Variants in MAP3K13 observed in about 807,000 individuals in gnomAD.
The protein encoded by MAP3K13 is leucine zipper-bearing kinase.
In MAP3K13, 52 loss-of-function variants were observed where a neutral mutation model predicts 104.0. The ratio of observed to expected loss-of-function variants is 0.50; its 90% CI spans 0.40 to 0.63. MAP3K13 has a LOEUF of 0.63. MAP3K13 is among the 20% of genes least tolerant of loss of function. The pLI, the probability that MAP3K13 is intolerant of heterozygous loss-of-function variation, is 0.00. For missense variants in MAP3K13, 914 were observed against 1,218.5 expected, an observed-to-expected ratio of 0.75 and a Z score of 3.72; for synonymous variants, 394 against 442.2, an observed-to-expected ratio of 0.89 and a Z score of 1.37.
At chr3:185,298,762 C>T (rs1721001043) in intron 2 of MAP3K13, among the ~76,000 whole-genome samples, 2 of 152,086 alleles carry the variant, frequency 1.3e-5, no homozygotes, top group Admixed American at 1.3e-4. Context: ...AAATATCCCC[C>T]AACTGGTTTG....
At chr3:185,328,075 G>A (rs914648594) in intron 2 of MAP3K13, among the ~76,000 whole-genome samples, 1 of 152,160 alleles carries the variant, frequency 6.6e-6, no homozygotes, top group Non-Finnish European at 1.5e-5. Flanking sequence ...AATGTGGCAA[G>A]AGATGAAGCA....
intron 2 of MAP3K13, among the ~76,000 whole-genome samples, chr3:185,349,335 T>C (rs551434787): frequency 1.3e-5 from 2 of 152,280 alleles, no homozygotes; most frequent in South Asian, 4.1e-4. Flanking sequence ...TCCCCATTGT[T>C]TAGCTCTCAC....
Position 185,418,273 on chromosome 3 carries a change from A to G in MAP3K13, c.-85-10224A>G, listed in dbSNP as rs1577533373. 3 of 1,589,570 alleles carry G rather than the reference A, an allele frequency of 1.9e-6. No individual in the cohort carries two copies. The highest frequency in any genetic ancestry group is 2.6e-6 in the Non-Finnish European group (3 of 1,159,350). ...CCAGGCTTTAAGTTTCTTAAGGAGC[A>G]AAACAGCTTCCTTGGTCTTCTTGTA... On this transcript the variant is annotated intron_variant, in intron 1 of 13. Coordinates refer to ENST00000265026, the MANE Select transcript of MAP3K13 (RefSeq NM_004721.5). This position sits in a 1 kb window ranked among gnomAD's most constrained non-coding sequence, Gnocchi z 4.5.
intron 1 of MAP3K13, among the ~76,000 whole-genome samples, chr3:185,381,961 T>C (rs917104705): frequency 2.6e-5 from 4 of 152,204 alleles, no homozygotes; most frequent in African/African-American, 9.6e-5. Flanking sequence ...ATGTAGCTAT[T>C]ATGAATAACA....
intron 10 of MAP3K13, among the ~76,000 whole-genome samples, chr3:185,468,460 A>T (rs1282512506): frequency 6.6e-6 from 1 of 152,082 alleles, no homozygotes; most frequent in Non-Finnish European, 1.5e-5. Context: ...ATTTTTCCTT[A>T]CCAAACTCTG....
At chr3:185,361,944 G>A (rs371823510), upstream of MAP3K13, among the ~76,000 whole-genome samples, 38 of 152,298 alleles carry the variant, frequency 2.5e-4, no homozygotes, top group East Asian at 5.2e-3. Flanking sequence ...ATCCTGAAAA[G>A]TTTTCCTTTT....
At chr3:185,321,385 G>A (rs1418479753) in intron 2 of MAP3K13, among the ~76,000 whole-genome samples, 2 of 152,190 alleles carry the variant, frequency 1.3e-5, no homozygotes, top group African/African-American at 4.8e-5. Flanking sequence ...GTTATAGTCA[G>A]TTCTGTAACT....
chr3:185,374,166 T>G (rs528014466), intron 1 of MAP3K13, among the ~76,000 whole-genome samples: 58 of 152,272 alleles, frequency 3.8e-4, no homozygotes, highest in Admixed American at 3.8e-3. Context: ...TTCAGTTACT[T>G]CAGGCCATCT....
At chr3:185,344,912 C>T (rs898633517) in intron 2 of MAP3K13, among the ~76,000 whole-genome samples, 3 of 149,032 alleles carry the variant, frequency 2.0e-5, no homozygotes, top group African/African-American at 5.0e-5. Context: ...GACAGAGTCT[C>T]GCTCTGTCTC....
intron 11 of MAP3K13, chr3:185,477,078 G>A: frequency 1.6e-6 from 1 of 617,282 alleles, no homozygotes; most frequent in Non-Finnish European, 3.0e-6. Context: ...ACCTCTCTGA[G>A]GACAAAGAAA....
In MAP3K13 at chr3:185,390,621, A is replaced by ATTTTT. The variant is rs750832762; in HGVS notation, c.-86+27270_-86+27274dup. The stretch of plus-strand genomic sequence containing the variant: ...TCTTTGAAATCACTTTACAGTCAGA[A>ATTTTT]TTTTTTTTTTTTTTTTTTTTTGAGA... On this transcript the variant is annotated intron_variant, in intron 1 of 13. Coordinates refer to ENST00000265026, the MANE Select transcript of MAP3K13 (RefSeq NM_004721.5). Among the ~76,000 whole-genome samples the ATTTTT allele has an allele frequency of 2.3e-3, 279 of 123,656 alleles. 3 individuals are homozygous for ATTTTT. The highest frequency in any genetic ancestry group is 8.6e-3 in the African/African-American group (268 of 31,252). The allele number at this position is 123,656 out of a possible 152,430, so 81.1% of individuals were successfully genotyped here. A position where few individuals can be genotyped will look rare whatever the true frequency, so the allele number is the denominator to read the frequency against.
intron 2 of MAP3K13, among the ~76,000 whole-genome samples, chr3:185,330,507 C>G (rs1722225584): frequency 6.6e-6 from 1 of 152,098 alleles, no homozygotes. Flanking sequence ...ATTAACTTCT[C>G]CAAGTCAATA....
intron 3 of MAP3K13, among the ~76,000 whole-genome samples, chr3:185,442,845 A>T (rs1271364719): frequency 6.7e-6 from 1 of 150,302 alleles, no homozygotes; most frequent in African/African-American, 2.5e-5. Flanking sequence ...AATTATTATT[A>T]TTTTTTATTT....
intron 2 of MAP3K13, among the ~76,000 whole-genome samples, chr3:185,326,433 C>G (rs1344216032): frequency 6.6e-6 from 1 of 152,140 alleles, no homozygotes; most frequent in Non-Finnish European, 1.5e-5. Context: ...AGACACGAAT[C>G]TTAGCCTGTT....
intron 7 of MAP3K13, among the ~76,000 whole-genome samples, chr3:185,452,101 C>T (rs931076856): frequency 2.6e-5 from 4 of 152,114 alleles, no homozygotes; most frequent in African/African-American, 9.7e-5. Flanking sequence ...CACAATGAGC[C>T]TATGATAGAA....
chr3:185,383,818 A>T (rs2108761440), intron 1 of MAP3K13, among the ~76,000 whole-genome samples: 1 of 152,308 alleles, frequency 6.6e-6, no homozygotes, highest in South Asian at 2.1e-4. Flanking sequence ...AGTTTTTAAA[A>T]TTTTTAAGTA....
At chr3:185,362,930 A>AACACACACACACACACACACACACACGC (rs1723692048), upstream of MAP3K13, 2 of 132,202 alleles carry the variant, frequency 1.5e-5, no homozygotes, top group African/African-American at 5.6e-5. Context: ...CACAGCTTGA[A>AACACACACACACACACACACACACACGC]ACACACACAC....
intron 1 of MAP3K13, among the ~76,000 whole-genome samples, chr3:185,427,674 G>A (rs1395374896): frequency 6.6e-6 from 1 of 152,174 alleles, no homozygotes; most frequent in Non-Finnish European, 1.5e-5. Flanking sequence ...AGACACGAAA[G>A]CAAAGAGAAA....
chr3:185,444,883 T>G (rs1715513454), intron 4 of MAP3K13, among the ~76,000 whole-genome samples: 1 of 151,988 alleles, frequency 6.6e-6, no homozygotes, highest in African/African-American at 2.4e-5. Flanking sequence ...CTCAGGAGGC[T>G]GAGGTGGGAG....
Sources: allele counts gnomAD v4.1 joint callset (sites outside exome capture counted in the v4.1 genomes callset), GRCh38; gene constraint gnomAD v4.1.1; non-coding constraint Gnocchi (gnomAD v3.1); transcripts MANE v1.5; gene names NCBI Gene and HGNC (gene_info 2026-07-23, HGNC 2026-07-21).